The following NPR3 variants were observed in gnomAD, a reference collection of about 807,000 sequenced individuals.
NPR3 encodes the protein natriuretic peptide receptor 3.
In NPR3, 34 loss-of-function variants were observed where a neutral mutation model predicts 54.5. That is an observed-to-expected ratio of 0.62 (90% CI 0.47 to 0.83). The LOEUF is 0.83. Among genes scored for constraint, NPR3 ranks in the 40% least tolerant of loss-of-function variants. The probability of loss-of-function intolerance (pLI) is 0.00; values close to 1 mark genes in which losing one functional copy is unlikely to be tolerated. For synonymous variants in NPR3, 289 were observed against 297.1 expected (o/e 0.97, Z 0.28); for missense variants, 674 against 720.8 (o/e 0.94, Z 0.74).
intron 3 of NPR3, among the ~76,000 whole-genome samples, chr5:32,745,614 T>C (rs1740256730): frequency 6.6e-6 from 1 of 152,336 alleles, no homozygotes; most frequent in African/African-American, 2.4e-5. Context: ...GGCAAACCCA[T>C]GACCTGAAGA....
chr5:32,729,299 G>A, intron 2 of NPR3, among the ~76,000 whole-genome samples: 1 of 151,996 alleles, frequency 6.6e-6, no homozygotes, highest in Non-Finnish European at 1.5e-5. Flanking sequence ...AAAGTGCTGG[G>A]ATTACAGGCG....
In NPR3 at chr5:32,789,231, G is replaced by T; in HGVS notation, c.*2886G>T. On this transcript the variant is annotated 3_prime_UTR_variant, in exon 8 of 8. Transcript: ENST00000265074. ...AGGTCAAAATGCGTAGATGCTTTTTGGTGTTGGAAATAAGTGTCTGTCTTA... is the reference window on the plus strand; with the variant it reads ...AGGTCAAAATGCGTAGATGCTTTTTTGTGTTGGAAATAAGTGTCTGTCTTA... 3.3e-6 allele frequency: 1 copy of T among 307,634 alleles called. No homozygotes were observed. 19.1% of individuals were successfully genotyped at this position (307,634 alleles called of 1,614,324 possible). A position where few individuals can be genotyped will look rare whatever the true frequency, so the allele number is the denominator to read the frequency against.
intron 3 of NPR3, among the ~76,000 whole-genome samples, chr5:32,750,390 C>T (rs1474180229): frequency 6.6e-6 from 1 of 152,202 alleles, no homozygotes; most frequent in Non-Finnish European, 1.5e-5. Flanking sequence ...CCCACCTCAG[C>T]CTTCCAAAGT....
intron 1 of NPR3, among the ~76,000 whole-genome samples, chr5:32,703,361 AC>A (rs1412476297): frequency 3.3e-5 from 5 of 151,940 alleles, no homozygotes; most frequent in African/African-American, 1.2e-4. Context: ...CTGAGCTGGC[AC>A]TTAAGCTTTG....
intron 4 of NPR3, among the ~76,000 whole-genome samples, chr5:32,779,488 C>T (rs1016851770): frequency 6.6e-6 from 1 of 152,204 alleles, no homozygotes; most frequent in African/African-American, 2.4e-5. Flanking sequence ...CTCTGGCCAC[C>T]CCGTTCCAGC....
intron 1 of NPR3, among the ~76,000 whole-genome samples, chr5:32,717,956 C>T (rs1479668716): frequency 6.6e-6 from 1 of 152,160 alleles, no homozygotes; most frequent in South Asian, 2.1e-4. Context: ...AAGGTATTGC[C>T]TAAGTCTTCT....
intron 3 of NPR3, among the ~76,000 whole-genome samples, chr5:32,752,214 CAAAAACAAAA>C (rs1192325905): frequency 3.1e-4 from 18 of 57,928 alleles, no homozygotes; most frequent in Non-Finnish European, 5.8e-4. Flanking sequence ...CCTCCAAAAA[CAAAAACAAAA>C]ACAAAAACAA....
chr5:32,737,678 CT>C lies in NPR3; in HGVS notation c.893-1182del, dbSNP rs1417214272. Among the ~76,000 whole-genome samples, 7 of 152,200 alleles carry C rather than the reference CT, an allele frequency of 4.6e-5. No homozygotes were observed. In the South Asian group the frequency reaches 1.5e-3, roughly 32 times the overall value. On this transcript the variant is annotated intron_variant, in intron 2 of 7. Coordinates refer to ENST00000265074, the MANE Select transcript of NPR3 (RefSeq NM_001204375.2). ...GTCAAAAGTTAGAGGTCCACCTTGC[CT>C]TTTGGGGCCCTGTAAGCCACGTTTT...
intron 1 of NPR3, among the ~76,000 whole-genome samples, chr5:32,718,038 G>A (rs2111866481): frequency 6.6e-6 from 1 of 152,262 alleles, no homozygotes; most frequent in Middle Eastern, 3.4e-3. Context: ...TTTGTATAAG[G>A]TGTAAGAAAG....
rs180944970 is a variant in NPR3 at position 32,757,775 on chromosome 5, A to G, written c.1060-16933A>G. On this transcript the variant is annotated intron_variant, in intron 3 of 7. Transcript: ENST00000265074. ...CTCTTATTATTTTGAGATATGTCCC[A>G]TCAATACCTAATTTATTGAGCGTTT... Among the ~76,000 whole-genome samples the G allele has an allele frequency of 3.4e-3, 519 of 152,306 alleles. 5 individuals are homozygous for G. The highest frequency in any genetic ancestry group is 0.012 in the African/African-American group (490 of 41,566).
chr5:32,706,584 A>G (rs1737998748), upstream of NPR3, among the ~76,000 whole-genome samples: 1 of 152,242 alleles, frequency 6.6e-6, no homozygotes, highest in South Asian at 2.1e-4. Flanking sequence ...AACTTTGCCT[A>G]GAAATGTCTG....
Position 32,743,926 on chromosome 5 carries a change from T to TA in NPR3, c.1059+4903dup, listed in dbSNP as rs896025792. On this transcript the variant is annotated intron_variant, in intron 3 of 7. Transcript: ENST00000265074. ...ACTATTCCTATGGGTACTATAATAT[T>TA]AAAAAAATGCATTTGTTCTTTTACT... 2.6e-5 allele frequency among the ~76,000 whole-genome samples: 4 copies of TA among 151,190 alleles called. 1 individual carries two copies. Among genetic ancestry groups the TA allele is most frequent in the South Asian group, 4.2e-4 (2 of 4,796 alleles).
intron 3 of NPR3, among the ~76,000 whole-genome samples, chr5:32,755,440 G>A (rs995863973): frequency 6.6e-6 from 1 of 152,166 alleles, no homozygotes; most frequent in Non-Finnish European, 1.5e-5. Context: ...GATGGTTGGT[G>A]ATTGAACCCA....
chr5:32,737,097 A>T (rs1264382892), intron 2 of NPR3, among the ~76,000 whole-genome samples: 1 of 152,156 alleles, frequency 6.6e-6, no homozygotes, highest in African/African-American at 2.4e-5. Context: ...GGCTCAGCCA[A>T]GCATGCCTTC....
intron 3 of NPR3, among the ~76,000 whole-genome samples, chr5:32,763,505 G>T (rs1038901304): frequency 1.3e-5 from 2 of 148,932 alleles, no homozygotes; most frequent in African/African-American, 5.0e-5. Flanking sequence ...TAAGAGTCAG[G>T]GTTTGATCAT....
chr5:32,765,177 A>G (rs551235464), intron 3 of NPR3, among the ~76,000 whole-genome samples: 1 of 152,300 alleles, frequency 6.6e-6, no homozygotes, highest in Admixed American at 6.5e-5. Context: ...TTGGTGTTAA[A>G]GCCTGGAAGT....
chr5:32,757,832 G>A (rs188704879), intron 3 of NPR3, among the ~76,000 whole-genome samples: 373 of 152,234 alleles, frequency 2.5e-3, no homozygotes, highest in African/African-American at 8.8e-3. Context: ...TTTTGTCAAA[G>A]GCCTTTTCTG....
intron 1 of NPR3, among the ~76,000 whole-genome samples, chr5:32,719,835 C>T (rs1294708864): frequency 6.8e-6 from 1 of 146,554 alleles, no homozygotes; most frequent in Non-Finnish European, 1.5e-5. Flanking sequence ...TCCTTGGCCA[C>T]TTTTAAAGTT....
In NPR3 at chr5:32,712,299, A is replaced by G. The variant is rs1579585788; in HGVS notation, c.523A>G (p.Thr175Ala). Residue 175 changes from threonine (T) to alanine (A), a missense_variant, in exon 1 of 8, where the codon ACG becomes GCG. By Grantham distance (58) the Thr-to-Ala change is moderately conservative. Coordinates refer to ENST00000265074, the MANE Select transcript of NPR3 (RefSeq NM_001204375.2). Reference protein sequence around the residue: ...QHKDSEYSHLTRVAPAYAKMG... With the variant: ...QHKDSEYSHLARVAPAYAKMG... ...CAAGGACTCTGAGTACTCGCACCTC[A>G]CGCGCGTGGCGCCCGCCTACGCCAA... The G allele has an allele frequency of 9.3e-6, 15 of 1,613,120 alleles. No homozygotes were observed. The East Asian group carries it at 3.3e-4, about 36-fold the overall frequency.
Sources: allele counts gnomAD v4.1 joint callset (sites outside exome capture counted in the v4.1 genomes callset), GRCh38; gene constraint gnomAD v4.1.1; transcripts MANE v1.5; gene names NCBI Gene and HGNC (gene_info 2026-07-23, HGNC 2026-07-21).